DRC9: variants seen among roughly 807,000 people sequenced by gnomAD.
DRC9 encodes dynein regulatory complex protein 9.
At chr3:197,930,989 G>A in the DRC9 span, among the ~76,000 whole-genome samples, 3 of 150,942 alleles carry the variant, frequency 2.0e-5, no homozygotes, top group East Asian at 5.9e-4. Context: ...AGCCAAGATT[G>A]TGCCACTGCA....
At chr3:197,934,695 C>T in the DRC9 span, among the ~76,000 whole-genome samples, 1 of 151,704 alleles carries the variant, frequency 6.6e-6, no homozygotes, top group African/African-American at 2.4e-5. Flanking sequence ...AGGCCGGGCA[C>T]AAGAGCTCAC....
the DRC9 span, chr3:197,956,390 A>G: frequency 6.5e-6 from 1 of 154,332 alleles, no homozygotes; most frequent in African/African-American, 2.4e-5. Context: ...GACTGGACAA[A>G]GCATTCCAGT....
chr3:197,908,333 T>C, the DRC9 span, among the ~76,000 whole-genome samples: 8 of 126,824 alleles, frequency 6.3e-5, no homozygotes, highest in African/African-American at 1.6e-4. Context: ...TTCCAAGGCA[T>C]CCTCCCAGAT....
chr3:197,938,395 C>G, the DRC9 span, among the ~76,000 whole-genome samples: 1 of 152,060 alleles, frequency 6.6e-6, no homozygotes, highest in African/African-American at 2.4e-5. Context: ...CACCCTGCCT[C>G]TAGGCAGTCT....
chr3:197,890,470 A>G, the DRC9 span, among the ~76,000 whole-genome samples: 1 of 151,960 alleles, frequency 6.6e-6, no homozygotes, highest in South Asian at 2.1e-4. Context: ...TGTGCATTTC[A>G]TATCTTTAGT....
chr3:197,950,690 T>G, the DRC9 span: 16 of 537,130 alleles, frequency 3.0e-5, no homozygotes, highest in East Asian at 4.6e-4. Flanking sequence ...CTGAGAGTCA[T>G]TTTTGTGACT....
the DRC9 span, chr3:197,950,805 C>T: frequency 8.1e-6 from 6 of 741,196 alleles, no homozygotes; most frequent in Non-Finnish European, 1.4e-5. Flanking sequence ...GATGTTCTGG[C>T]ATTGTTGTCC....
chr3:197,941,184 CCT>C, the DRC9 span, among the ~76,000 whole-genome samples: 4 of 144,798 alleles, frequency 2.8e-5, no homozygotes, highest in Admixed American at 6.9e-5. Context: ...CTCTCTCTCC[CCT>C]CTCTCCTCTG....
the DRC9 span, chr3:197,938,651 G>A: frequency 1.3e-3 from 2,176 of 1,614,038 alleles, 2 homozygotes; most frequent in South Asian, 2.8e-3. Flanking sequence ...ACAGCGAACC[G>A]GCCTCTGTGT....
chr3:197,889,292 G>A, the DRC9 span: 2 of 396,152 alleles, frequency 5.0e-6, no homozygotes, highest in Non-Finnish European at 9.2e-6. Context: ...CCTTTGTTCT[G>A]CTGAGAAAGA....
At chr3:197,933,530 G>A in the DRC9 span, among the ~76,000 whole-genome samples, 1 of 152,016 alleles carries the variant, frequency 6.6e-6, no homozygotes, top group African/African-American at 2.4e-5. Context: ...TCAAAATTAT[G>A]AAGTATTTCA....
the DRC9 span, among the ~76,000 whole-genome samples, chr3:197,941,013 GAACA>G: frequency 6.6e-6 from 1 of 152,172 alleles, no homozygotes; most frequent in African/African-American, 2.4e-5. Context: ...GATTAATTTA[GAACA>G]CTGTCATTCT....
the DRC9 span, chr3:197,938,412 A>T: frequency 1.5e-6 from 1 of 679,252 alleles, no homozygotes; most frequent in Non-Finnish European, 2.6e-6. Context: ...GTCTTTAGCT[A>T]ATTCTATTCT....
At chr3:197,933,990 A>AT in the DRC9 span, among the ~76,000 whole-genome samples, 1 of 150,524 alleles carries the variant, frequency 6.6e-6, no homozygotes, top group East Asian at 2.0e-4. Flanking sequence ...AAAAAAAAAA[A>AT]AAAAGAAGTT....
At chr3:197,954,806 C>A in the DRC9 span, among the ~76,000 whole-genome samples, 1 of 152,104 alleles carries the variant, frequency 6.6e-6, no homozygotes, top group Admixed American at 6.6e-5. Context: ...CCACAGCCAG[C>A]CTTGAATAAA....
the DRC9 span, among the ~76,000 whole-genome samples, chr3:197,941,375 C>T: frequency 1.3e-5 from 1 of 76,514 alleles, no homozygotes; most frequent in East Asian, 3.4e-4. Context: ...TCCTTCCTCC[C>T]TCTCTCCCCT....
the DRC9 span, among the ~76,000 whole-genome samples, chr3:197,908,374 C>T: frequency 1.2e-4 from 17 of 142,480 alleles, no homozygotes; most frequent in African/African-American, 4.7e-4. Context: ...TGTACCACGT[C>T]TGAAGAGTGA....
chr3:197,946,018 A>AT, the DRC9 span, among the ~76,000 whole-genome samples: 2 of 152,112 alleles, frequency 1.3e-5, no homozygotes, highest in Non-Finnish European at 2.9e-5. Context: ...TATATACTTG[A>AT]TTTTTTCTAT....
At chr3:197,922,645 G>T in the DRC9 span, among the ~76,000 whole-genome samples, 1 of 151,960 alleles carries the variant, frequency 6.6e-6, no homozygotes, top group Non-Finnish European at 1.5e-5. Context: ...GACGGAGGTC[G>T]CAGTGAGCCA....
Sources: allele counts gnomAD v4.1 joint callset (sites outside exome capture counted in the v4.1 genomes callset), GRCh38; gene constraint gnomAD v4.1.1; transcripts MANE v1.5; gene names NCBI Gene and HGNC (gene_info 2026-07-23, HGNC 2026-07-21).